The following DCDC2 variants were observed in gnomAD, a reference collection of about 807,000 sequenced individuals.
The protein encoded by DCDC2 is doublecortin domain containing 2, also known as doublecortin domain-containing protein 2.
DCDC2 carries 40 observed loss-of-function variants against 50.2 expected under a neutral mutation model. The ratio of observed to expected loss-of-function variants is 0.80; its 90% CI spans 0.62 to 1.04. DCDC2 has a LOEUF of 1.04. DCDC2 is among the 50% of genes least tolerant of loss of function. DCDC2 has a pLI of 0.00. For synonymous variants in DCDC2, 234 were observed against 210.6 expected (o/e 1.11, Z -0.96); for missense variants, 570 against 581.9 (o/e 0.98, Z 0.21).
chr6:24,243,054 C>G (rs1370766283), intron 7 of DCDC2, among the ~76,000 whole-genome samples: 1 of 152,136 alleles, frequency 6.6e-6, no homozygotes, highest in Non-Finnish European at 1.5e-5. Context: ...CCAGTCAAGA[C>G]AGCTTGGGAG....
chr6:24,288,958 T>C (rs766380451), intron 5 of DCDC2, 52 bp from the exon 6 acceptor site: 44 of 1,376,800 alleles, frequency 3.2e-5, no homozygotes, highest in Non-Finnish European at 4.2e-5. Context: ...ACAAATAATG[T>C]ACAATGCAAG....
chr6:24,200,059 G>A (rs1289310841), intron 8 of DCDC2, among the ~76,000 whole-genome samples: 1 of 152,178 alleles, frequency 6.6e-6, no homozygotes, highest in Non-Finnish European at 1.5e-5. Context: ...GTGATAGGGA[G>A]AATGAAACCA....
chr6:24,198,995 G>C (rs1461895124), intron 8 of DCDC2, among the ~76,000 whole-genome samples: 1 of 152,204 alleles, frequency 6.6e-6, no homozygotes, highest in Non-Finnish European at 1.5e-5. Context: ...CAGAAAGAGA[G>C]GCAGCAGCTC....
At chr6:24,223,618 C>T (rs1327638482) in intron 7 of DCDC2, among the ~76,000 whole-genome samples, 1 of 152,180 alleles carries the variant, frequency 6.6e-6, no homozygotes, top group Non-Finnish European at 1.5e-5. Context: ...GAAAATTCTA[C>T]ATTAAGTAAA....
At chr6:24,189,602 A>T (rs765672878) in intron 8 of DCDC2, among the ~76,000 whole-genome samples, 3 of 152,212 alleles carry the variant, frequency 2.0e-5, no homozygotes, top group Non-Finnish European at 4.4e-5. Flanking sequence ...CCTGAGGGAT[A>T]TTATTTTAAT....
chr6:24,306,543 T>TAGACAGACAGAC (rs1160445956), intron 2 of DCDC2, among the ~76,000 whole-genome samples: 5,294 of 115,452 alleles, frequency 0.046, 169 homozygotes, highest in Non-Finnish European at 0.06. Flanking sequence ...GATAGATAGA[T>TAGACAGACAGAC]AGACAGACAG....
chr6:24,343,489 C>T (rs1347867521), intron 2 of DCDC2, among the ~76,000 whole-genome samples: 2 of 152,216 alleles, frequency 1.3e-5, no homozygotes, highest in African/African-American at 2.4e-5. Context: ...TGGAAATATA[C>T]TTTCATCAAG....
chr6:24,263,139 G>A (rs1299331412), intron 7 of DCDC2, among the ~76,000 whole-genome samples: 3 of 152,316 alleles, frequency 2.0e-5, no homozygotes, highest in Non-Finnish European at 2.9e-5. Flanking sequence ...GTGCTTCCAC[G>A]CATCTGCCAA....
chr6:24,220,671 C>T (rs1762077915), intron 7 of DCDC2, among the ~76,000 whole-genome samples: 1 of 152,126 alleles, frequency 6.6e-6, no homozygotes, highest in South Asian at 2.1e-4. Flanking sequence ...GCTGAAAAAC[C>T]ACTTCACTAC....
intron 7 of DCDC2, among the ~76,000 whole-genome samples, chr6:24,207,413 A>T (rs1172310549): frequency 6.6e-6 from 1 of 152,220 alleles, no homozygotes; most frequent in East Asian, 1.9e-4. Flanking sequence ...ATGTTACTTG[A>T]AAACATAATA....
At chr6:24,223,952 A>C (rs1762170518) in intron 7 of DCDC2, among the ~76,000 whole-genome samples, 1 of 152,184 alleles carries the variant, frequency 6.6e-6, no homozygotes, top group South Asian at 2.1e-4. Flanking sequence ...GAAAGTTTCT[A>C]TTTCTAATGA....
the DCDC2 span, among the ~76,000 whole-genome samples, chr6:24,382,997 G>A: frequency 1.3e-5 from 2 of 152,104 alleles, no homozygotes; most frequent in Admixed American, 6.5e-5. Context: ...AATGTCTTAA[G>A]TCACCGTGAA....
chr6:24,201,655 A>C (rs1040712024), intron 8 of DCDC2, among the ~76,000 whole-genome samples: 5 of 152,332 alleles, frequency 3.3e-5, no homozygotes, highest in South Asian at 2.1e-4. Context: ...CTAAGATCCA[A>C]GCAGAACTGA....
At chr6:24,221,009 A>C (rs1033433350) in intron 7 of DCDC2, among the ~76,000 whole-genome samples, 20 of 133,236 alleles carry the variant, frequency 1.5e-4, no homozygotes, top group African/African-American at 6.4e-4. Flanking sequence ...GCATGCAGGA[A>C]CTGCCCCTAT....
At chr6:24,328,488 T>C (rs1366282500) in intron 2 of DCDC2, among the ~76,000 whole-genome samples, 1 of 152,224 alleles carries the variant, frequency 6.6e-6, no homozygotes. Context: ...TGAGAATCCC[T>C]GCTTTTGGGA....
intron 2 of DCDC2, among the ~76,000 whole-genome samples, chr6:24,326,603 A>G (rs1470440288): frequency 1.3e-5 from 2 of 149,064 alleles, no homozygotes; most frequent in African/African-American, 4.8e-5. Context: ...TATGCCTATA[A>G]CCCAGCACTT....
chr6:24,240,931 T>A (rs926705170), intron 7 of DCDC2, among the ~76,000 whole-genome samples: 2 of 152,180 alleles, frequency 1.3e-5, no homozygotes, highest in African/African-American at 4.8e-5. Context: ...TTGTGTAAAG[T>A]CAGAATGTCT....
chr6:24,360,329 A>G (rs980395001), upstream of DCDC2, among the ~76,000 whole-genome samples: 6 of 152,158 alleles, frequency 3.9e-5, no homozygotes, highest in African/African-American at 1.4e-4. Context: ...CATTCAGTAA[A>G]TGGACGCCTG....
At chr6:24,266,244 C>G (rs556853735) in intron 7 of DCDC2, among the ~76,000 whole-genome samples, 1 of 152,220 alleles carries the variant, frequency 6.6e-6, no homozygotes, top group East Asian at 1.9e-4. Context: ...GAAGCCACTA[C>G]AAGAAAACAT....
Sources: gnomAD v4.1 joint callset for allele counts (sites outside exome capture counted in the v4.1 genomes callset) on GRCh38, gnomAD v4.1.1 for gene constraint, MANE v1.5 for transcripts, NCBI Gene and HGNC (gene_info 2026-07-23, HGNC 2026-07-21) for gene names.